The following MBD3 variants were observed in gnomAD, a reference collection of about 807,000 sequenced individuals.
MBD3 encodes the protein methyl-CpG binding domain protein 3.
A neutral mutation model predicts 31.2 loss-of-function variants in MBD3; 13 were observed. That is an observed-to-expected ratio of 0.42 (90% CI 0.27 to 0.66). The LOEUF (loss-of-function observed/expected upper bound fraction) is 0.66, where lower values mean the gene tolerates loss of function less well. Among genes scored for constraint, MBD3 ranks in the 30% least tolerant of loss-of-function variants. MBD3 has a pLI of 0.26. For synonymous variants in MBD3, 223 were observed against 187.4 expected (o/e 1.19, Z -1.55); for missense variants, 440 against 426.5 (o/e 1.03, Z -0.28).
intron 5 of MBD3, among the ~76,000 whole-genome samples, chr19:1,580,684 C>T (rs751081282): frequency 4.6e-5 from 7 of 152,184 alleles, no homozygotes; most frequent in African/African-American, 7.2e-5. Context: ...TCTGAGCGGC[C>T]GTGTTCCCTG....
chr19:1,578,247 C>A lies in MBD3; in HGVS notation c.*5+88G>T. On this transcript the variant is annotated intron_variant, in intron 6 of 6. Transcript: ENST00000434436. This position sits in a 1 kb window ranked among gnomAD's most constrained non-coding sequence, Gnocchi z 6.1. The stretch of plus-strand genomic sequence containing the variant: ...AGGGAGATGGGAAGCTCTTGGGAGG[C>A]ACCCGTCATCCCAAGCACATCTGTG... 1.9e-6 allele frequency: 3 copies of A among 1,570,550 alleles called. No individual in the cohort carries two copies. Among genetic ancestry groups the A allele is most frequent in the African/African-American group, 1.3e-5 (1 of 74,352 alleles).
rs972789124 is a variant in MBD3, at chr19:1,573,829, C to T, written c.*4335G>A. On this transcript the variant is annotated 3_prime_UTR_variant, in exon 7 of 7. Transcript: ENST00000434436. The stretch of plus-strand genomic sequence containing the variant: ...TGCCCGTGGCCAACATGGTGAAACC[C>T]TGTCTCTACTAAAAGTACAAAGATT... 1 of 152,128 alleles carries T rather than the reference C, an allele frequency of 6.6e-6. No individual in the cohort carries two copies. Among genetic ancestry groups the T allele is most frequent in the Non-Finnish European group, 1.5e-5 (1 of 68,038 alleles). The allele number at this position is 152,128 out of a possible 1,614,324, so 9.4% of individuals were successfully genotyped here.
At position 1,574,003 on chromosome 19, in the gene MBD3, G is replaced by C. The variant is rs778424482; in HGVS notation, c.*4161C>G. 1.3e-5 allele frequency: 2 copies of C among 148,176 alleles called. No homozygotes were observed. Among genetic ancestry groups the C allele is most frequent in the African/African-American group, 2.5e-5 (1 of 40,100 alleles). 9.2% of individuals were successfully genotyped at this position (148,176 alleles called of 1,614,324 possible). On this transcript the variant is annotated 3_prime_UTR_variant, in exon 7 of 7. Transcript: ENST00000434436. ...GGCAACAAGAGCGAAACTCCATGCC[G>C]AAGAAGAAGAAGAAAAAAAAGTACA...
chr19:1,591,968 G>A (rs2060705802), intron 1 of MBD3: 1 of 152,228 alleles, frequency 6.6e-6, no homozygotes, highest in Non-Finnish European at 1.5e-5. Context: ...GGCCTCGGAA[G>A]GAGTCAAGGG....
At chr19:1,581,469 G>A (rs926797704) in intron 4 of MBD3, 200 bp from the exon 5 acceptor site, 5 of 634,582 alleles carry the variant, frequency 7.9e-6, no homozygotes, top group African/African-American at 3.6e-5. Flanking sequence ...TAGGCCAGGC[G>A]TGGCGACTCC....
intron 1 of MBD3, chr19:1,592,111 C>G (rs2060706503): frequency 6.6e-6 from 1 of 152,382 alleles, no homozygotes; most frequent in South Asian, 2.1e-4. Context: ...GCCCTGCTCC[C>G]CGAAATCCCG....
At chr19:1,581,018 A>G (rs1432508538) in intron 5 of MBD3, 74 bp downstream of exon 5, 1 of 1,561,068 alleles carries the variant, frequency 6.4e-7, no homozygotes, top group African/African-American at 1.4e-5. Flanking sequence ...GCACGCAGGC[A>G]CACGGGGACA....
chr19:1,586,738 C>T (rs2060681057), intron 1 of MBD3, among the ~76,000 whole-genome samples: 1 of 148,162 alleles, frequency 6.7e-6, no homozygotes, highest in East Asian at 2.0e-4. Flanking sequence ...TCGATCTTGG[C>T]TCTCTGCAAC....
At chr19:1,586,671 A>T (rs1331070159) in intron 1 of MBD3, among the ~76,000 whole-genome samples, 3 of 143,804 alleles carry the variant, frequency 2.1e-5, no homozygotes, top group East Asian at 2.0e-4. Context: ...ACCACGCCTA[A>T]TTTTTTTTTT....
rs374386290 is a variant in MBD3, at chr19:1,588,978, T to C, written c.110+3544A>G. ...AATATGTGAATATGCTGAAAAACCATTGACTCGTGCACTTTAAATGACTGT... is the reference window on the plus strand; with the variant it reads ...AATATGTGAATATGCTGAAAAACCACTGACTCGTGCACTTTAAATGACTGT... On this transcript the variant is annotated intron_variant, in intron 1 of 6. Transcript: ENST00000434436. 7.9e-5 allele frequency among the ~76,000 whole-genome samples: 12 copies of C among 152,042 alleles called. No homozygotes were observed. The East Asian group carries it at 1.5e-3, about 20-fold the overall frequency.
Position 1,578,242 on chromosome 19 carries a change from G to T in MBD3, c.*6-84C>A, listed in dbSNP as rs1373844342. The T allele has an allele frequency of 3.8e-6, 6 of 1,569,830 alleles. No individual in the cohort carries two copies. The East Asian group carries it at 1.3e-4, about 35-fold the overall frequency. On this transcript the variant is annotated intron_variant, in intron 6 of 6. Transcript: ENST00000434436. This position sits in a 1 kb window ranked among gnomAD's most constrained non-coding sequence, Gnocchi z 6.1. The stretch of plus-strand genomic sequence containing the variant: ...CTTCTAGGGAGATGGGAAGCTCTTG[G>T]GAGGCACCCGTCATCCCAAGCACAT...
At chr19:1,579,960 G>A (rs969990723) in intron 5 of MBD3, among the ~76,000 whole-genome samples, 8 of 152,276 alleles carry the variant, frequency 5.3e-5, no homozygotes, top group Admixed American at 5.2e-4. Flanking sequence ...GTTTCACCAT[G>A]TTGGCCAGGC....
At position 1,582,032 on chromosome 19, in the gene MBD3, G is replaced by A. The variant is rs575841509; in HGVS notation, c.499+590C>T. Among the ~76,000 whole-genome samples the A allele has an allele frequency of 2.6e-5, 4 of 152,276 alleles. No individual in the cohort carries two copies. In the East Asian group the frequency reaches 7.7e-4, roughly 29 times the overall value. The stretch of plus-strand genomic sequence containing the variant: ...TCCGCCCGCCTTGGCCTCCCAGAGT[G>A]TTGGGATTACAGGCGTGAGCCACTG... On this transcript the variant is annotated intron_variant, in intron 4 of 6. Coordinates refer to ENST00000434436, the MANE Select transcript of MBD3 (RefSeq NM_001281453.2).
At position 1,592,612 on chromosome 19, in the gene MBD3, TC is replaced by T; in HGVS notation, c.19del (p.Glu7SerfsTer53). The T allele has an allele frequency of 7.3e-7, 1 of 1,374,048 alleles. No homozygotes were observed. Among genetic ancestry groups the T allele is most frequent in the Non-Finnish European group, 9.6e-7 (1 of 1,036,684 alleles). The allele number at this position is 1,374,048 out of a possible 1,614,324, so 85.1% of individuals were successfully genotyped here. A position where few individuals can be genotyped will look rare whatever the true frequency, so the allele number is the denominator to read the frequency against. On this transcript the variant is annotated frameshift_variant, in exon 1 of 7. Coordinates refer to ENST00000434436, the MANE Select transcript of MBD3 (RefSeq NM_001281453.2). LOFTEE classifies it high-confidence loss of function. Reference sequence around the variant, plus strand: ...CCAGCCCTGCGGGAGCGCCGGGCACTCCCACCTCTTCCGCTCCATTGCGCCC... The same window carrying T: ...CCAGCCCTGCGGGAGCGCCGGGCACTCCACCTCTTCCGCTCCATTGCGCCC... MERKRW[E>X]CPALPQGWER...
chr19:1,583,550 A>C lies in MBD3; in HGVS notation c.409-838T>G, dbSNP rs532493872. On this transcript the variant is annotated intron_variant, in intron 3 of 6. Coordinates refer to ENST00000434436, the MANE Select transcript of MBD3 (RefSeq NM_001281453.2). ...CGGCAGACTGAAAATATTTGGGGGG[A>C]AAAAAAATAAATAAATACAACAACT... 1.5e-3 allele frequency among the ~76,000 whole-genome samples: 221 copies of C among 151,688 alleles called. 1 individual carries two copies. Among genetic ancestry groups the C allele is most frequent in the African/African-American group, 5.1e-3 (213 of 41,362 alleles).
At chr19:1,580,464 T>C (rs1380964821) in intron 5 of MBD3, among the ~76,000 whole-genome samples, 1 of 152,196 alleles carries the variant, frequency 6.6e-6, no homozygotes, top group Non-Finnish European at 1.5e-5. Flanking sequence ...ACCGTCAAGT[T>C]TCCTTTCCTT....
At chr19:1,592,469 A>T in intron 1 of MBD3, 53 bp downstream of exon 1, 2 of 1,001,152 alleles carry the variant, frequency 2.0e-6, no homozygotes, top group Non-Finnish European at 2.7e-6. Context: ...GCCGCCGCAG[A>T]GGCCGCTGGG....
intron 2 of MBD3, 25 bp from the exon 3 acceptor site, chr19:1,584,702 C>T (rs369829833): frequency 5.6e-6 from 9 of 1,604,892 alleles, no homozygotes; most frequent in Non-Finnish European, 5.9e-6. Context: ...ATATGCAGTC[C>T]GGCCTGGGGG....
rs368812859 is a variant in MBD3, at chr19:1,584,636, C to T, written c.312G>A (p.Thr104=). The T allele has an allele frequency of 5.5e-5, 88 of 1,613,578 alleles. No homozygotes were observed. Among genetic ancestry groups the T allele is most frequent in the Non-Finnish European group, 6.9e-5 (82 of 1,179,918 alleles). ...TCACCGGCTGCTTGAAGATGGACGC[C>T]GTCTGGCGCACGGGCAGCGCCGTGT... The part of the protein sequence containing the change: ...DLNTALPVRQ[T]ASIFKQPVTK... Residue 104 remains threonine (T), a synonymous_variant, in exon 3 of 7, where the codon ACG becomes ACA. Coordinates refer to ENST00000434436, the MANE Select transcript of MBD3 (RefSeq NM_001281453.2).
Sources: allele counts gnomAD v4.1 joint callset (sites outside exome capture counted in the v4.1 genomes callset), GRCh38; gene constraint gnomAD v4.1.1; non-coding constraint Gnocchi (gnomAD v3.1); transcripts MANE v1.5; gene names NCBI Gene and HGNC (gene_info 2026-07-23, HGNC 2026-07-21).